The following DNAI4 variants were observed in gnomAD, a reference collection of about 807,000 sequenced individuals.
DNAI4 encodes the protein dynein axonemal intermediate chain 4.
In DNAI4, 85 loss-of-function variants were observed where a neutral mutation model predicts 105.8. The observed-to-expected ratio is 0.80, with a 90% CI of 0.67 to 0.96. DNAI4 has a LOEUF of 0.96. DNAI4 is among the 40% of genes least tolerant of loss of function. The pLI, the probability that DNAI4 is intolerant of heterozygous loss-of-function variation, is 0.00. For synonymous variants in DNAI4, 352 were observed against 331.5 expected, an observed-to-expected ratio of 1.06 and a Z score of -0.67; for missense variants, 1,014 against 1,005.6, an observed-to-expected ratio of 1.01 and a Z score of -0.11.
intron 7 of DNAI4, among the ~76,000 whole-genome samples, chr1:66,856,201 G>A (rs1646496600): frequency 6.6e-6 from 1 of 151,724 alleles, no homozygotes; most frequent in African/African-American, 2.4e-5. Flanking sequence ...GGGGCACAGT[G>A]GCTCAAGCCT....
At chr1:66,892,780 C>T (rs564594634) in intron 3 of DNAI4, among the ~76,000 whole-genome samples, 10 of 150,884 alleles carry the variant, frequency 6.6e-5, no homozygotes, top group Admixed American at 2.0e-4. Flanking sequence ...AGTGGGGGGG[C>T]GCCTGTAATC....
intron 13 of DNAI4, among the ~76,000 whole-genome samples, chr1:66,830,245 G>A (rs1167758227): frequency 6.6e-6 from 1 of 152,012 alleles, no homozygotes; most frequent in South Asian, 2.1e-4. Context: ...AAAAAAAATA[G>A]TGAAAACCAA....
intron 1 of DNAI4, among the ~76,000 whole-genome samples, chr1:66,907,966 T>A (rs1191733397): frequency 6.6e-6 from 1 of 152,206 alleles, no homozygotes; most frequent in African/African-American, 2.4e-5. Context: ...TCCTCTACCA[T>A]CTTTCTCATG....
In DNAI4 at chr1:66,924,652, C is replaced by T; in HGVS notation, c.170+10G>A. The T allele has an allele frequency of 6.2e-7, 1 of 1,614,196 alleles. No individual in the cohort carries two copies. The highest frequency in any genetic ancestry group is 8.5e-7 in the Non-Finnish European group (1 of 1,180,042). The stretch of plus-strand genomic sequence containing the variant: ...GGGGATGGACTACGGTTTTTAGCGC[C>T]GGAACTTACAACCCGAAGTTCTGCT... On this transcript the variant is annotated intron_variant, in intron 1 of 16. Coordinates refer to ENST00000371026, the MANE Select transcript of DNAI4 (RefSeq NM_024763.5).
chr1:66,895,476 AT>A (rs1159273919), intron 2 of DNAI4, among the ~76,000 whole-genome samples: 1 of 152,134 alleles, frequency 6.6e-6, no homozygotes, highest in African/African-American at 2.4e-5. Flanking sequence ...CTCTAAAAAA[AT>A]TTTTTTCAAA....
chr1:66,885,951 T>A (rs1015276925), intron 4 of DNAI4, among the ~76,000 whole-genome samples: 15 of 152,328 alleles, frequency 9.8e-5, no homozygotes, highest in African/African-American at 3.6e-4. Context: ...ATTTCTTCTA[T>A]CCCATTCTCT....
chr1:66,917,605 GT>G (rs1650163635), intron 1 of DNAI4, among the ~76,000 whole-genome samples: 1 of 152,100 alleles, frequency 6.6e-6, no homozygotes. Context: ...CTTATCCTTT[GT>G]TTTTTAGTCT....
At chr1:66,870,019 T>C (rs1646807985) in intron 6 of DNAI4, among the ~76,000 whole-genome samples, 1 of 152,210 alleles carries the variant, frequency 6.6e-6, no homozygotes, top group Non-Finnish European at 1.5e-5. Flanking sequence ...GAATAAATGC[T>C]CTCACCAATA....
chr1:66,826,689 T>C (rs1186021544), intron 15 of DNAI4, 131 bp downstream of exon 15: 2 of 723,668 alleles, frequency 2.8e-6, no homozygotes, highest in African/African-American at 1.8e-5. Context: ...TCTTTATTCA[T>C]AAAGGACTCT....
intron 4 of DNAI4, among the ~76,000 whole-genome samples, chr1:66,877,131 C>T (rs1301259335): frequency 6.6e-6 from 1 of 152,196 alleles, no homozygotes; most frequent in East Asian, 1.9e-4. Flanking sequence ...CAGTAGAGAA[C>T]AACCTATGAA....
At chr1:66,923,568 G>A (rs894315029) in intron 1 of DNAI4, among the ~76,000 whole-genome samples, 2 of 152,104 alleles carry the variant, frequency 1.3e-5, no homozygotes, top group East Asian at 1.9e-4. Flanking sequence ...AAACCCGACC[G>A]ACACTGCTTC....
At chr1:66,832,781 A>G (rs1393261747) in intron 13 of DNAI4, among the ~76,000 whole-genome samples, 1 of 152,186 alleles carries the variant, frequency 6.6e-6, no homozygotes, top group African/African-American at 2.4e-5. Flanking sequence ...CATGTACCCC[A>G]TAAATATATA....
At chr1:66,913,871 AC>A (rs1649854524) in intron 1 of DNAI4, among the ~76,000 whole-genome samples, 1 of 151,844 alleles carries the variant, frequency 6.6e-6, no homozygotes, top group Non-Finnish European at 1.5e-5. Context: ...AGTCCCAGCT[AC>A]TCGGGAGGCT....
At chr1:66,912,253 T>C (rs1429035585) in intron 1 of DNAI4, among the ~76,000 whole-genome samples, 2 of 151,952 alleles carry the variant, frequency 1.3e-5, no homozygotes, top group Non-Finnish European at 2.9e-5. Context: ...AACAGATTAC[T>C]TGAGGTCAGG....
rs111351376 is a variant in DNAI4 at position 66,909,772 on chromosome 1, C to A, written c.171-4397G>T. ...TCCTGACATTAACCTCCACCACCACCACCACCACATCACCCTCACCCCATC... is the reference window on the plus strand; with the variant it reads ...TCCTGACATTAACCTCCACCACCACAACCACCACATCACCCTCACCCCATC... On this transcript the variant is annotated intron_variant, in intron 1 of 16. Transcript: ENST00000371026. 6.0e-3 allele frequency among the ~76,000 whole-genome samples: 917 copies of A among 152,102 alleles called. 7 individuals are homozygous for A. Among genetic ancestry groups the A allele is most frequent in the African/African-American group, 0.021 (857 of 41,480 alleles).
intron 6 of DNAI4, among the ~76,000 whole-genome samples, chr1:66,864,871 AG>A (rs1466747552): frequency 1.3e-5 from 2 of 152,170 alleles, no homozygotes; most frequent in African/African-American, 4.8e-5. Flanking sequence ...TCAACCCAAA[AG>A]TTAGGAGAGT....
At chr1:66,865,036 T>G (rs1387697099) in intron 6 of DNAI4, among the ~76,000 whole-genome samples, 1 of 152,230 alleles carries the variant, frequency 6.6e-6, no homozygotes, top group African/African-American at 2.4e-5. Flanking sequence ...ATGTGTTGTA[T>G]GCTCTTCTGT....
At chr1:66,858,830 T>A (rs1646561925) in intron 7 of DNAI4, among the ~76,000 whole-genome samples, 1 of 152,124 alleles carries the variant, frequency 6.6e-6, no homozygotes. Context: ...TACAGCTATA[T>A]AAAACCTACA....
At position 66,874,765 on chromosome 1, in the gene DNAI4, A is replaced by G; in HGVS notation, c.800+16T>C. On this transcript the variant is annotated intron_variant, in intron 5 of 16. Coordinates refer to ENST00000371026, the MANE Select transcript of DNAI4 (RefSeq NM_024763.5). Reference sequence around the variant, plus strand: ...TTGAATTACAGAAACAATGTAGACAACTGAACCATACATACGTTACTTTCT... The same window carrying G: ...TTGAATTACAGAAACAATGTAGACAGCTGAACCATACATACGTTACTTTCT... The G allele has an allele frequency of 1.3e-6, 2 of 1,593,650 alleles. No individual in the cohort carries two copies. Among genetic ancestry groups the G allele is most frequent in the Non-Finnish European group, 1.7e-6 (2 of 1,174,144 alleles).
Sources: gnomAD v4.1 joint callset for allele counts (sites outside exome capture counted in the v4.1 genomes callset) on GRCh38, gnomAD v4.1.1 for gene constraint, MANE v1.5 for transcripts, NCBI Gene and HGNC (gene_info 2026-07-23, HGNC 2026-07-21) for gene names.